Variants in HIRA observed in about 807,000 individuals in gnomAD.
The protein encoded by HIRA is histone cell cycle regulator.
HIRA carries 13 observed loss-of-function variants against 126.6 expected under a neutral mutation model. The ratio of observed to expected loss-of-function variants is 0.10; its 90% CI spans 0.07 to 0.16. The LOEUF is 0.16. Among genes scored for constraint, HIRA ranks in the 10% least tolerant of loss-of-function variants. The probability of loss-of-function intolerance (pLI) is 1.00; values close to 1 mark genes in which losing one functional copy is unlikely to be tolerated. For missense variants in HIRA, 834 were observed against 1,314.4 expected (o/e 0.63, Z 5.65); for synonymous variants, 511 against 520.0 (o/e 0.98, Z 0.24).
chr22:19,379,838 C>T (rs1272567759), intron 13 of HIRA, among the ~76,000 whole-genome samples: 1 of 151,588 alleles, frequency 6.6e-6, no homozygotes, highest in African/African-American at 2.4e-5. Context: ...GAGACGAAGT[C>T]TCGCTGTGTC....
chr22:19,414,518 G>A (rs2089379503), intron 1 of HIRA, among the ~76,000 whole-genome samples: 2 of 152,142 alleles, frequency 1.3e-5, no homozygotes, highest in African/African-American at 4.8e-5. Flanking sequence ...ATAGTTCATT[G>A]GGTAGAGCTG....
chr22:19,368,145 G>C (rs891073441), intron 15 of HIRA, among the ~76,000 whole-genome samples: 1 of 152,170 alleles, frequency 6.6e-6, no homozygotes, highest in Non-Finnish European at 1.5e-5. Context: ...CCTCTGGCCT[G>C]TTAGCCCCTC....
In HIRA at chr22:19,351,235, T is replaced by G; in HGVS notation, c.2937+123A>C. On this transcript the variant is annotated intron_variant, in intron 24 of 24. Transcript: ENST00000263208. The surrounding 1 kb of genome is among the most constrained non-coding windows in gnomAD (Gnocchi z 4.8). Reference sequence around the variant, plus strand: ...TCACCCTCTCACTGATGCTGGGACCTGAGGCTGGGTGCTGGAGAAGTCTAA... The same window carrying G: ...TCACCCTCTCACTGATGCTGGGACCGGAGGCTGGGTGCTGGAGAAGTCTAA... 1 of 1,420,636 alleles carries G rather than the reference T, an allele frequency of 7.0e-7. No homozygotes were observed. Among genetic ancestry groups the G allele is most frequent in the Non-Finnish European group, 9.2e-7 (1 of 1,088,344 alleles). 88.0% of individuals were successfully genotyped at this position (1,420,636 alleles called of 1,614,324 possible).
intron 2 of HIRA, among the ~76,000 whole-genome samples, chr22:19,409,225 T>G (rs1465228769): frequency 6.6e-6 from 1 of 152,088 alleles, no homozygotes; most frequent in African/African-American, 2.4e-5. Flanking sequence ...GCTCCCGTGG[T>G]CATGAGTTGA....
chr22:19,403,695 C>T (rs2089287311), intron 5 of HIRA, among the ~76,000 whole-genome samples: 1 of 152,138 alleles, frequency 6.6e-6, no homozygotes, highest in African/African-American at 2.4e-5. Flanking sequence ...TATCTTTATT[C>T]ATATTATTCT....
At chr22:19,363,644 T>C (rs1309000333) in intron 15 of HIRA, among the ~76,000 whole-genome samples, 2 of 152,184 alleles carry the variant, frequency 1.3e-5, no homozygotes, top group South Asian at 2.1e-4. Context: ...TTTCCTGTAA[T>C]TCCTACACTT....
chr22:19,414,461 C>G (rs954431722), intron 1 of HIRA, among the ~76,000 whole-genome samples: 5 of 152,190 alleles, frequency 3.3e-5, no homozygotes, highest in African/African-American at 1.2e-4. Context: ...AGCAGTCCCA[C>G]AGACCTTTGG....
At chr22:19,420,039 A>ATT (rs2089431031) in intron 1 of HIRA, among the ~76,000 whole-genome samples, 5 of 138,386 alleles carry the variant, frequency 3.6e-5, no homozygotes, top group Admixed American at 2.8e-4. Flanking sequence ...CCATACAACC[A>ATT]TTGTGTGTGT....
chr22:19,384,204 G>T (rs2089102603), intron 12 of HIRA, among the ~76,000 whole-genome samples: 1 of 151,298 alleles, frequency 6.6e-6, no homozygotes, highest in Non-Finnish European at 1.5e-5. Context: ...TGTAATCCCA[G>T]CTACTCAGGA....
chr22:19,384,660 C>CTT (rs938408159), intron 12 of HIRA, among the ~76,000 whole-genome samples: 1 of 144,744 alleles, frequency 6.9e-6, no homozygotes. Flanking sequence ...TTCTTTCTTT[C>CTT]TTTTTTTTTT....
intron 3 of HIRA, 68 bp downstream of exon 3, chr22:19,408,415 C>A: frequency 9.8e-7 from 1 of 1,016,184 alleles, no homozygotes; most frequent in East Asian, 2.4e-5. Flanking sequence ...TTTCTAATTA[C>A]AAACACATGT....
intron 24 of HIRA, among the ~76,000 whole-genome samples, chr22:19,334,127 AG>A (rs1243731561): frequency 6.6e-6 from 1 of 151,752 alleles, no homozygotes; most frequent in African/African-American, 2.4e-5. Context: ...GGCGCCGGCC[AG>A]CACGCCTGGC....
intron 1 of HIRA, among the ~76,000 whole-genome samples, chr22:19,428,562 A>G (rs1260655662): frequency 6.6e-6 from 1 of 152,094 alleles, no homozygotes; most frequent in African/African-American, 2.4e-5. Context: ...TGTTCTAGCT[A>G]CCCTCTCCAC....
At chr22:19,359,040 T>C (rs543075813) in intron 18 of HIRA, among the ~76,000 whole-genome samples, 11 of 152,214 alleles carry the variant, frequency 7.2e-5, no homozygotes, top group Admixed American at 2.6e-4. Flanking sequence ...ATTCGAGACT[T>C]TGGGGATCTG....
chr22:19,387,976 G>A (rs926347876), intron 10 of HIRA, among the ~76,000 whole-genome samples, 160 bp from the exon 11 acceptor site: 2 of 151,488 alleles, frequency 1.3e-5, no homozygotes, highest in African/African-American at 2.4e-5. Flanking sequence ...CCTGGGCGGG[G>A]GGGGGAGGGG....
intron 2 of HIRA, among the ~76,000 whole-genome samples, chr22:19,409,795 C>T (rs1445464369): frequency 6.6e-6 from 1 of 152,202 alleles, no homozygotes; most frequent in Non-Finnish European, 1.5e-5. Context: ...GGTACAGGTG[C>T]GAACCCTCTG....
chr22:19,361,644 A>C (rs1188191460), intron 16 of HIRA, 83 bp downstream of exon 16: 1 of 1,400,340 alleles, frequency 7.1e-7, no homozygotes, highest in African/African-American at 1.4e-5. Flanking sequence ...CACCCAGCTG[A>C]GGCTTACCAT....
At chr22:19,379,225 G>A (rs2146212630) in intron 13 of HIRA, among the ~76,000 whole-genome samples, 1 of 151,532 alleles carries the variant, frequency 6.6e-6, no homozygotes, top group Non-Finnish European at 1.5e-5. Context: ...TGTTAGCCAG[G>A]ATGGTCTCGA....
At chr22:19,372,439 T>C (rs1284811016) in intron 15 of HIRA, among the ~76,000 whole-genome samples, 2 of 152,258 alleles carry the variant, frequency 1.3e-5, no homozygotes, top group Non-Finnish European at 2.9e-5. Flanking sequence ...CGTCTTTTTA[T>C]TGTTGAATTG....
Sources: gnomAD v4.1 joint callset for allele counts (sites outside exome capture counted in the v4.1 genomes callset) on GRCh38, gnomAD v4.1.1 for gene constraint, Gnocchi (gnomAD v3.1) non-coding constraint, MANE v1.5 for transcripts, NCBI Gene and HGNC (gene_info 2026-07-23, HGNC 2026-07-21) for gene names.